Variants in ASXL3 observed in about 807,000 individuals in gnomAD.
ASXL3 encodes the protein putative Polycomb group protein ASXL3.
ASXL3 carries 34 observed loss-of-function variants against 170.6 expected under a neutral mutation model. The observed-to-expected ratio is 0.20, with a 90% CI of 0.15 to 0.27. ASXL3 has a LOEUF of 0.27. Among genes scored for constraint, ASXL3 ranks in the 10% least tolerant of loss-of-function variants. ASXL3 has a pLI of 1.00. For missense variants in ASXL3, 2,592 were observed against 2,695.3 expected (o/e 0.96, Z 0.85); for synonymous variants, 1,002 against 989.1 (o/e 1.01, Z -0.24).
At chr18:33,635,200 G>A (rs1018154800) in intron 2 of ASXL3, among the ~76,000 whole-genome samples, 3 of 152,138 alleles carry the variant, frequency 2.0e-5, no homozygotes, top group African/African-American at 7.2e-5. Context: ...CAAAACACGT[G>A]TATTTTAAAC....
At chr18:33,671,007 A>G (rs553259540) in intron 6 of ASXL3, among the ~76,000 whole-genome samples, 1 of 152,296 alleles carries the variant, frequency 6.6e-6, no homozygotes, top group South Asian at 2.1e-4. Context: ...ATCATCAGCA[A>G]ATGTCTTCAT....
At chr18:33,659,308 G>T (rs2066134486) in intron 4 of ASXL3, among the ~76,000 whole-genome samples, 1 of 152,076 alleles carries the variant, frequency 6.6e-6, no homozygotes, top group Non-Finnish European at 1.5e-5. Flanking sequence ...TAGACGCCCA[G>T]TATGCAGAAG....
At chr18:33,673,449 A>C (rs1164572547) in intron 7 of ASXL3, among the ~76,000 whole-genome samples, 2 of 148,796 alleles carry the variant, frequency 1.3e-5, no homozygotes, top group Non-Finnish European at 3.0e-5. Flanking sequence ...ATCTCAGCTC[A>C]CTGCAACCTC....
chr18:33,596,492 A>T (rs1486562450), intron 1 of ASXL3, among the ~76,000 whole-genome samples: 3 of 152,212 alleles, frequency 2.0e-5, no homozygotes, highest in African/African-American at 7.2e-5. Flanking sequence ...TTCAACATTT[A>T]AGTAGGCAGA....
At chr18:33,673,342 C>T (rs1027172678) in intron 7 of ASXL3, among the ~76,000 whole-genome samples, 1 of 151,330 alleles carries the variant, frequency 6.6e-6, no homozygotes, top group African/African-American at 2.4e-5. Context: ...ATACCCTTAT[C>T]AGTATCCTCT....
chr18:33,745,957 C>A lies in ASXL3; in HGVS notation c.6109C>A (p.Pro2037Thr), dbSNP rs746554436. The change falls in exon 12 of 12, where the codon CCA (proline) becomes ACA (threonine). Residue 2037 changes from proline to threonine, a missense_variant. By Grantham distance (38) the Pro-to-Thr change is conservative. Around this residue, in one of 4 missense-constraint regions of ASXL3, gnomAD observed 2,246 missense variants for 2,219.6 expected, o/e 1.01. Coordinates refer to ENST00000269197, the MANE Select transcript of ASXL3 (RefSeq NM_030632.3). Reference sequence around the variant, plus strand: ...CTTGGCTTTGCCCCCGCCTCCCCCCCCACCACCTCCGCTACCTCCACCTCT... The same window carrying A: ...CTTGGCTTTGCCCCCGCCTCCCCCCACACCACCTCCGCTACCTCCACCTCT... ...PPLALPPPPP[P>T]PPPLPPPLPN... 3.6e-5 allele frequency: 56 copies of A among 1,541,712 alleles called. No homozygotes were observed. The highest frequency in any genetic ancestry group is 3.1e-4 in the East Asian group (13 of 41,988).
chr18:33,739,225 C>T lies in ASXL3; in HGVS notation c.1821C>T (p.Cys607=). 2 of 1,613,842 alleles carry T rather than the reference C, an allele frequency of 1.2e-6. No homozygotes were observed. Among genetic ancestry groups the T allele is most frequent in the Non-Finnish European group, 1.7e-6 (2 of 1,179,840 alleles). Residue 607 remains cysteine (C), a synonymous_variant, in exon 11 of 12, where the codon TGC becomes TGT. Coordinates refer to ENST00000269197, the MANE Select transcript of ASXL3 (RefSeq NM_030632.3). ...DPEEQLSENA[C]ISETSFSSES... The stretch of plus-strand genomic sequence containing the variant: ...AAGAACAGCTTTCAGAAAATGCCTG[C>T]ATCTCTGAAACGTCCTTTTCTTCTG...
At chr18:33,664,598 G>A (rs908356627) in intron 5 of ASXL3, among the ~76,000 whole-genome samples, 2 of 152,046 alleles carry the variant, frequency 1.3e-5, no homozygotes, top group African/African-American at 4.8e-5. Flanking sequence ...AAACCAAATA[G>A]CTTTATAATC....
intron 2 of ASXL3, among the ~76,000 whole-genome samples, chr18:33,632,796 T>A (rs1435180223): frequency 1.3e-5 from 2 of 152,182 alleles, no homozygotes; most frequent in Non-Finnish European, 2.9e-5. Flanking sequence ...GTCTTCTAGG[T>A]GTATCTCAGC....
At chr18:33,580,274 A>G (rs2064980981) in intron 1 of ASXL3, among the ~76,000 whole-genome samples, 1 of 152,232 alleles carries the variant, frequency 6.6e-6, no homozygotes, top group Non-Finnish European at 1.5e-5. Flanking sequence ...AGTAAGCAGT[A>G]AGTGTTAAGT....
Position 33,744,059 on chromosome 18 carries a change from C to G in ASXL3, c.4211C>G (p.Thr1404Arg), listed in dbSNP as rs374695099. The G allele has an allele frequency of 4.3e-6, 7 of 1,613,932 alleles. No homozygotes were observed. The highest frequency in any genetic ancestry group is 5.9e-6 in the Non-Finnish European group (7 of 1,179,914). Residue 1404 changes from threonine to arginine, a missense_variant, in exon 12 of 12, where the codon ACA becomes AGA. Physicochemically the swap from Thr to Arg is moderately conservative, Grantham distance 71. This residue lies in a region of ASXL3 where 2,246 missense variants were observed against 2,219.6 expected (regional missense o/e 1.01). Coordinates refer to ENST00000269197, the MANE Select transcript of ASXL3 (RefSeq NM_030632.3). ...AGCTGCAGTGATTCTGTAGCGGTCA[C>G]AGACTCTCTGGTTGCACACCCGACC... ...ALSCSDSVAV[T>R]DSLVAHPTVA... is the part of the protein sequence containing the mutation.
At chr18:33,674,068 C>T (rs576968576) in intron 7 of ASXL3, among the ~76,000 whole-genome samples, 7 of 152,208 alleles carry the variant, frequency 4.6e-5, no homozygotes, top group East Asian at 1.9e-4. Context: ...AGTAGAATGA[C>T]GTCTGTTTTA....
intron 1 of ASXL3, among the ~76,000 whole-genome samples, chr18:33,602,477 A>G (rs879664226): frequency 6.6e-6 from 1 of 152,096 alleles, no homozygotes; most frequent in Non-Finnish European, 1.5e-5. Context: ...TTCTCATCTG[A>G]AGGCTATCAG....
rs79137822 is a variant in ASXL3, at chr18:33,730,569, A to T, written c.880-1399A>T. On this transcript the variant is annotated intron_variant, in intron 8 of 11. Transcript: ENST00000269197. ...AAAAGATGGGGAAGCTGAGACATTC[A>T]TTCATATATCAGGGCTTTGGTAAAC... is the stretch of plus-strand genomic sequence containing the variant. 5.3e-5 allele frequency among the ~76,000 whole-genome samples: 8 copies of T among 152,302 alleles called. No individual in the cohort carries two copies. The East Asian group carries it at 1.5e-3, about 29-fold the overall frequency.
At chr18:33,616,788 T>G (rs2065429545) in intron 2 of ASXL3, 1 of 152,156 alleles carries the variant, frequency 6.6e-6, no homozygotes, top group Admixed American at 6.6e-5. Context: ...ACATTGGCCT[T>G]TCTTCCATAT....
chr18:33,691,376 G>A (rs943024614), intron 8 of ASXL3, among the ~76,000 whole-genome samples: 3 of 152,110 alleles, frequency 2.0e-5, no homozygotes, highest in African/African-American at 7.2e-5. Flanking sequence ...ACCTTTTTAA[G>A]TCATCACTTT....
In ASXL3 at chr18:33,746,156, A is replaced by G. The variant is rs201331186; in HGVS notation, c.6308A>G (p.Tyr2103Cys). The change falls in exon 12 of 12, where the codon TAT (tyrosine) becomes TGT (cysteine). Residue 2103 changes from tyrosine (Y) to cysteine (C), a missense_variant. Physicochemically the swap from Tyr to Cys is radical, Grantham distance 194 (BLOSUM62 -2). Coordinates refer to ENST00000269197, the MANE Select transcript of ASXL3 (RefSeq NM_030632.3). ...GAACTGGGCATGAAACAAGTTTCCT[A>G]TGACCAGAATGAAATGAAAGAACAG... ...SCELGMKQVS[Y>C]DQNEMKEQLK... 7.4e-6 allele frequency: 12 copies of G among 1,613,756 alleles called. No homozygotes were observed. The highest frequency in any genetic ancestry group is 1.6e-4 in the Middle Eastern group (1 of 6,084).
At chr18:33,655,622 A>C (rs2066071551) in intron 4 of ASXL3, among the ~76,000 whole-genome samples, 1 of 152,092 alleles carries the variant, frequency 6.6e-6, no homozygotes, top group Non-Finnish European at 1.5e-5. Flanking sequence ...GCTTAGGCTG[A>C]ATGCAAAAAG....
chr18:33,667,922 A>G lies in ASXL3; in HGVS notation c.478-2751A>G, dbSNP rs527516271. On this transcript the variant is annotated intron_variant, in intron 5 of 11. Transcript: ENST00000269197. ...AAATGCATTGGTTGCAGAAAGGATAAGTTATATAAATAACAAAAAATGATA... is the reference window on the plus strand; with the variant it reads ...AAATGCATTGGTTGCAGAAAGGATAGGTTATATAAATAACAAAAAATGATA... 3.9e-5 allele frequency among the ~76,000 whole-genome samples: 6 copies of G among 152,350 alleles called. No individual in the cohort carries two copies. The South Asian group carries it at 1.2e-3, about 32-fold the overall frequency.
Sources: gnomAD v4.1 joint callset for allele counts (sites outside exome capture counted in the v4.1 genomes callset) on GRCh38, gnomAD v4.1.1 for gene constraint, gnomAD v4.1.1 regional missense constraint, MANE v1.5 for transcripts, NCBI Gene and HGNC (gene_info 2026-07-23, HGNC 2026-07-21) for gene names.